Variants in ADORA2B observed in about 807,000 individuals in gnomAD.
The protein encoded by ADORA2B is adenosine receptor A2b.
A neutral mutation model predicts 20.8 loss-of-function variants in ADORA2B; 18 were observed. The ratio of observed to expected loss-of-function variants is 0.87; its 90% CI spans 0.60 to 1.29. The LOEUF is 1.29. Ranked by LOEUF, ADORA2B falls within the 50% of genes most tolerant of loss-of-function variation. ADORA2B has a pLI of 0.00. For synonymous variants in ADORA2B, 179 were observed against 178.3 expected, an observed-to-expected ratio of 1.00 and a Z score of -0.03; for missense variants, 441 against 422.7, an observed-to-expected ratio of 1.04 and a Z score of -0.38.
chr17:15,864,233 C>T, the ADORA2B span: 1 of 152,130 alleles, frequency 6.6e-6, no homozygotes, highest in Non-Finnish European at 1.5e-5. Flanking sequence ...TCCATGTGTG[C>T]CTGTGCTTGG....
At chr17:15,957,347 T>A (rs1247846872) in intron 1 of ADORA2B, among the ~76,000 whole-genome samples, 1 of 151,602 alleles carries the variant, frequency 6.6e-6, no homozygotes, top group Non-Finnish European at 1.5e-5. Context: ...CCAGGCTGAG[T>A]GGAATTGATG....
At chr17:15,926,555 GA>G in the ADORA2B span, among the ~76,000 whole-genome samples, 1 of 152,014 alleles carries the variant, frequency 6.6e-6, no homozygotes, top group Non-Finnish European at 1.5e-5. Flanking sequence ...GTTCACTGGG[GA>G]GGGTCAGGGT....
At chr17:15,950,580 T>C (rs1159866519) in intron 1 of ADORA2B, among the ~76,000 whole-genome samples, 1 of 152,168 alleles carries the variant, frequency 6.6e-6, no homozygotes, top group East Asian at 1.9e-4. Flanking sequence ...GAACATGTTC[T>C]CTCAGCAGCT....
intron 1 of ADORA2B, among the ~76,000 whole-genome samples, chr17:15,972,285 G>A (rs1288222945): frequency 1.3e-5 from 2 of 152,176 alleles, no homozygotes; most frequent in Non-Finnish European, 2.9e-5. Context: ...GGAAGTATAC[G>A]TCTTACACTG....
At chr17:15,964,029 C>A (rs555262106) in intron 1 of ADORA2B, among the ~76,000 whole-genome samples, 2 of 152,318 alleles carry the variant, frequency 1.3e-5, no homozygotes, top group South Asian at 2.1e-4. Context: ...CTGAAAGTAA[C>A]CTTTGGTGAC....
chr17:15,968,291 A>C (rs2151607595), intron 1 of ADORA2B, among the ~76,000 whole-genome samples: 1 of 152,158 alleles, frequency 6.6e-6, no homozygotes, highest in South Asian at 2.1e-4. Flanking sequence ...GGGATGTGAA[A>C]CCCACATATA....
chr17:15,879,778 C>T, the ADORA2B span, among the ~76,000 whole-genome samples: 3 of 150,340 alleles, frequency 2.0e-5, no homozygotes, highest in Non-Finnish European at 2.9e-5. Flanking sequence ...ACCTTGTGAT[C>T]CGCCTGCCTC....
the ADORA2B span, among the ~76,000 whole-genome samples, chr17:15,858,470 A>G: frequency 1.3e-5 from 2 of 152,246 alleles, no homozygotes; most frequent in Non-Finnish European, 2.9e-5. Flanking sequence ...ATTAGTAATG[A>G]GCACTCTTGG....
chr17:15,910,839 G>A, the ADORA2B span, among the ~76,000 whole-genome samples: 1 of 152,148 alleles, frequency 6.6e-6, no homozygotes, highest in Non-Finnish European at 1.5e-5. Context: ...GGGCTCTGCA[G>A]GTCAGTGGAT....
the ADORA2B span, among the ~76,000 whole-genome samples, chr17:15,927,768 G>A: frequency 3.3e-5 from 5 of 152,228 alleles, no homozygotes; most frequent in African/African-American, 9.6e-5. Context: ...GGAGAATGCA[G>A]GAAGGAGAGG....
chr17:15,943,583 T>C (rs866369347), upstream of ADORA2B, among the ~76,000 whole-genome samples: 2 of 152,252 alleles, frequency 1.3e-5, no homozygotes, highest in African/African-American at 2.4e-5. Context: ...TCCTCCTGTC[T>C]TGGCCTCCCA....
rs767586572 is a variant in ADORA2B at position 15,974,665 on chromosome 17, A to C, written c.336-14A>C. On this transcript the variant is annotated splice_polypyrimidine_tract_variant and intron_variant, in intron 1 of 1. Transcript: ENST00000304222. Reference sequence around the variant, plus strand: ...CTATAAACTGACCGTAACAGATGGTATTCTTTTAAACAGGTATAAAAGTTT... The same window carrying C: ...CTATAAACTGACCGTAACAGATGGTCTTCTTTTAAACAGGTATAAAAGTTT... 1.7e-5 allele frequency: 28 copies of C among 1,605,922 alleles called. No homozygotes were observed. Among genetic ancestry groups the C allele is most frequent in the Non-Finnish European group, 2.4e-5 (28 of 1,174,646 alleles).
intron 1 of ADORA2B, among the ~76,000 whole-genome samples, chr17:15,947,693 C>T (rs1969827320): frequency 6.6e-6 from 1 of 152,208 alleles, no homozygotes; most frequent in South Asian, 2.1e-4. Flanking sequence ...TACTAGGGCC[C>T]CCAGGGCTTC....
In ADORA2B at chr17:15,974,951, T is replaced by A; in HGVS notation, c.608T>A (p.Ile203Asn). ...CTGCTTATAATGCTGGTGATCTACA[T>A]TAAGATCTTCCTGGTGGCCTGCAGG... is the stretch of plus-strand genomic sequence containing the variant. The part of the protein sequence containing the change: ...PPLLIMLVIY[I>N]KIFLVACRQL... The change falls in exon 2 of 2, where the codon ATT becomes AAT. Residue 203 changes from isoleucine (I) to asparagine (N), a missense_variant. Transcript: ENST00000304222. 6.2e-7 allele frequency: 1 copy of A among 1,614,110 alleles called. No individual in the cohort carries two copies. Among genetic ancestry groups the A allele is most frequent in the Non-Finnish European group, 8.5e-7 (1 of 1,180,020 alleles).
chr17:15,942,561 G>C (rs1473625947), upstream of ADORA2B, among the ~76,000 whole-genome samples: 1 of 152,148 alleles, frequency 6.6e-6, no homozygotes, highest in African/African-American at 2.4e-5. Flanking sequence ...ATGGAGGTTG[G>C]GCTCTGAAAA....
chr17:15,908,095 T>C, the ADORA2B span, among the ~76,000 whole-genome samples: 1 of 152,124 alleles, frequency 6.6e-6, no homozygotes, highest in Non-Finnish European at 1.5e-5. Flanking sequence ...TTTTTTTTCT[T>C]GTTTTTGAGA....
chr17:15,890,739 T>C, the ADORA2B span, among the ~76,000 whole-genome samples: 3 of 152,138 alleles, frequency 2.0e-5, no homozygotes, highest in Admixed American at 6.5e-5. Context: ...AGCTGGCCTC[T>C]GAGCAGAGCA....
At chr17:15,870,792 T>C in the ADORA2B span, among the ~76,000 whole-genome samples, 1 of 152,230 alleles carries the variant, frequency 6.6e-6, no homozygotes, top group Non-Finnish European at 1.5e-5. Flanking sequence ...GAGGGCTACA[T>C]GCACAATTCA....
At chr17:15,953,243 G>C (rs894990031) in intron 1 of ADORA2B, among the ~76,000 whole-genome samples, 22 of 152,238 alleles carry the variant, frequency 1.4e-4, no homozygotes, top group African/African-American at 5.3e-4. Context: ...CTCGAGGAGG[G>C]CCTTGAGCTT....
Sources: allele counts gnomAD v4.1 joint callset (sites outside exome capture counted in the v4.1 genomes callset), GRCh38; gene constraint gnomAD v4.1.1; transcripts MANE v1.5; gene names NCBI Gene and HGNC (gene_info 2026-07-23, HGNC 2026-07-21).